Variants in MYOM1 observed in about 807,000 individuals in gnomAD.
MYOM1 encodes the protein myomesin 1.
MYOM1 carries 164 observed loss-of-function variants against 205.3 expected under a neutral mutation model. That is an observed-to-expected ratio of 0.80 (90% confidence interval 0.70 to 0.91). MYOM1 has a LOEUF of 0.91. MYOM1 is among the 40% of genes least tolerant of loss of function. The probability of loss-of-function intolerance (pLI) is 0.00; values close to 1 mark genes in which losing one functional copy is unlikely to be tolerated. For missense variants in MYOM1, 2,011 were observed against 2,127.3 expected (o/e 0.95, Z 1.08); for synonymous variants, 772 against 789.4 (o/e 0.98, Z 0.37).
intron 11 of MYOM1, among the ~76,000 whole-genome samples, chr18:3,153,669 A>G (rs532139640): frequency 6.6e-6 from 1 of 152,352 alleles, no homozygotes; most frequent in South Asian, 2.1e-4. Context: ...GGATGGTTAA[A>G]TAGTATATAA....
At chr18:3,230,841 CTTTG>C in the MYOM1 span, among the ~76,000 whole-genome samples, 2 of 152,240 alleles carry the variant, frequency 1.3e-5, no homozygotes, top group African/African-American at 2.4e-5. Flanking sequence ...TCTGTCCTTG[CTTTG>C]TTTGTGCATT....
the MYOM1 span, among the ~76,000 whole-genome samples, chr18:3,233,658 T>C: frequency 8.5e-5 from 13 of 152,340 alleles, no homozygotes; most frequent in East Asian, 7.7e-4. Context: ...AGAGGTGTTA[T>C]GTGTTCAATG....
the MYOM1 span, among the ~76,000 whole-genome samples, chr18:3,235,405 G>A: frequency 6.6e-6 from 1 of 152,152 alleles, no homozygotes; most frequent in Non-Finnish European, 1.5e-5. Context: ...TATTACTAGA[G>A]TGCTTTTTAA....
At position 3,071,905 on chromosome 18, in the gene MYOM1, T is replaced by C; in HGVS notation, c.4709-16A>G. On this transcript the variant is annotated splice_polypyrimidine_tract_variant and intron_variant, in intron 36 of 37. Transcript: ENST00000356443. ...CGGGCACGATCTGCAAGCATAGGCA[T>C]TTTGGGTTAATCACTGCAGTGGCAA... is the stretch of plus-strand genomic sequence containing the variant. The C allele has an allele frequency of 6.3e-7, 1 of 1,599,190 alleles. No homozygotes were observed. Among genetic ancestry groups the C allele is most frequent in the East Asian group, 2.3e-5 (1 of 44,186 alleles).
intron 5 of MYOM1, among the ~76,000 whole-genome samples, chr18:3,183,614 G>A (rs1176583422): frequency 1.3e-5 from 2 of 152,172 alleles, no homozygotes; most frequent in African/African-American, 4.8e-5. Context: ...AGTGGAGGCA[G>A]TGTGATTATA....
chr18:3,115,186 A>C (rs921067628), intron 21 of MYOM1, among the ~76,000 whole-genome samples: 6 of 152,160 alleles, frequency 3.9e-5, no homozygotes, highest in Admixed American at 3.9e-4. Context: ...AGCAAACAAC[A>C]TCATAGGCTT....
intron 15 of MYOM1, 44 bp from the exon 16 acceptor site, chr18:3,134,868 A>T: frequency 3.8e-6 from 6 of 1,596,462 alleles, no homozygotes; most frequent in Non-Finnish European, 4.3e-6. Flanking sequence ...TGGTTTTAAA[A>T]ATTCATCCTT....
the MYOM1 span, among the ~76,000 whole-genome samples, chr18:3,231,681 C>T: frequency 6.6e-6 from 1 of 151,492 alleles, no homozygotes; most frequent in Non-Finnish European, 1.5e-5. Flanking sequence ...CTGGAATTAA[C>T]TACAGGTGCG....
intron 16 of MYOM1, 55 bp downstream of exon 16, chr18:3,134,595 G>A (rs1352168450): frequency 6.6e-7 from 1 of 1,510,704 alleles, no homozygotes; most frequent in Non-Finnish European, 8.9e-7. Context: ...TGTGCCGTAT[G>A]TGTCTATGGC....
At chr18:3,119,064 T>G (rs1026762836) in intron 20 of MYOM1, among the ~76,000 whole-genome samples, 14 of 152,154 alleles carry the variant, frequency 9.2e-5, no homozygotes, top group Non-Finnish European at 1.8e-4. Flanking sequence ...AATTTTTATT[T>G]TATTTTATTT....
At chr18:3,144,128 C>A (rs963003878) in intron 13 of MYOM1, among the ~76,000 whole-genome samples, 1 of 151,846 alleles carries the variant, frequency 6.6e-6, no homozygotes, top group Non-Finnish European at 1.5e-5. Flanking sequence ...ATGGCATGAA[C>A]CTGGGAGGCG....
chr18:3,193,332 A>ATATATACATATACATATG (rs1555629148), intron 3 of MYOM1, among the ~76,000 whole-genome samples: 1 of 144,246 alleles, frequency 6.9e-6, no homozygotes, highest in African/African-American at 2.6e-5. Context: ...ACATATACAT[A>ATATATACATATACATATG]TATATGTACA....
intron 29 of MYOM1, among the ~76,000 whole-genome samples, chr18:3,086,680 C>G (rs2079158341): frequency 6.6e-6 from 1 of 151,436 alleles, no homozygotes; most frequent in Non-Finnish European, 1.5e-5. Flanking sequence ...CACTTAGATA[C>G]ACTAATCTTC....
chr18:3,130,347 T>G (rs535704224), intron 17 of MYOM1, among the ~76,000 whole-genome samples: 2 of 152,126 alleles, frequency 1.3e-5, no homozygotes, highest in African/African-American at 4.8e-5. Context: ...CCGATCCCTA[T>G]GTTATAAGGA....
At chr18:3,106,257 A>C (rs2079450017) in intron 22 of MYOM1, among the ~76,000 whole-genome samples, 1 of 152,196 alleles carries the variant, frequency 6.6e-6, no homozygotes, top group Non-Finnish European at 1.5e-5. Context: ...CAGGATAAAG[A>C]GGGATAACTG....
In MYOM1 at chr18:3,072,350, C is replaced by CTTTTTTTT. The variant is rs78331937; in HGVS notation, c.4709-469_4709-462dup. Among the ~76,000 whole-genome samples the CTTTTTTTT allele has an allele frequency of 2.9e-3, 162 of 56,202 alleles. 35 individuals are homozygous for CTTTTTTTT. The highest frequency in any genetic ancestry group is 0.011 in the African/African-American group (116 of 10,704). 36.9% of individuals were successfully genotyped at this position (56,202 alleles called of 152,430 possible). ...AGCAGGCGTGAGCCACCGCACCCGG[C>CTTTTTTTT]TTTTTTTTTTTTTTTTTTTTTGAGG... is the stretch of plus-strand genomic sequence containing the variant. On this transcript the variant is annotated intron_variant, in intron 36 of 37. Transcript: ENST00000356443.
Position 3,218,877 on chromosome 18 carries a change from C to T in MYOM1, c.-29+926G>A, listed in dbSNP as rs2081299811. ...TCTTTATTTCTATTTCTCCCAAATACATTTATTTTTAATAATACTTACTAT... is the reference window on the plus strand; with the variant it reads ...TCTTTATTTCTATTTCTCCCAAATATATTTATTTTTAATAATACTTACTAT... On this transcript the variant is annotated intron_variant, in intron 1 of 37. Transcript: ENST00000356443. Among the ~76,000 whole-genome samples, 5 of 152,090 alleles carry T rather than the reference C, an allele frequency of 3.3e-5. No homozygotes were observed. In the South Asian group the frequency reaches 1.0e-3, roughly 32 times the overall value.
chr18:3,122,182 T>TAG (rs1555619896), intron 19 of MYOM1, among the ~76,000 whole-genome samples: 3 of 148,772 alleles, frequency 2.0e-5, no homozygotes, highest in East Asian at 3.9e-4. Flanking sequence ...AGATATTAGT[T>TAG]TTTTTTTTTT....
At chr18:3,155,477 G>C (rs935211009) in intron 10 of MYOM1, among the ~76,000 whole-genome samples, 1 of 152,176 alleles carries the variant, frequency 6.6e-6, no homozygotes, top group Non-Finnish European at 1.5e-5. Flanking sequence ...GCCCGCCTCG[G>C]CCTCCCAAAG....
Sources: gnomAD v4.1 joint callset for allele counts (sites outside exome capture counted in the v4.1 genomes callset) on GRCh38, gnomAD v4.1.1 for gene constraint, MANE v1.5 for transcripts, NCBI Gene and HGNC (gene_info 2026-07-23, HGNC 2026-07-21) for gene names.